SNX9: variants seen among roughly 807,000 people sequenced by gnomAD.
SNX9 encodes sorting nexin-9.
SNX9 carries 44 observed loss-of-function variants against 89.4 expected under a neutral mutation model. The observed-to-expected ratio is 0.49, with a 90% CI of 0.39 to 0.63. SNX9 has a LOEUF of 0.63. Ranked by LOEUF, SNX9 falls within the 30% of genes least tolerant of loss-of-function variation. The probability of loss-of-function intolerance (pLI) is 0.00; values close to 1 mark genes in which losing one functional copy is unlikely to be tolerated. For missense variants in SNX9, 578 were observed against 736.1 expected (o/e 0.79, Z 2.49); for synonymous variants, 236 against 247.8 (o/e 0.95, Z 0.45).
rs1022784154 is a variant in SNX9 at position 157,909,586 on chromosome 6, A to G, written c.706-79A>G. 3.2e-6 allele frequency: 5 copies of G among 1,546,622 alleles called. No individual in the cohort carries two copies. In the African/African-American group the frequency reaches 6.8e-5, roughly 21 times the overall value. On this transcript the variant is annotated intron_variant, in intron 7 of 17. Coordinates refer to ENST00000392185, the MANE Select transcript of SNX9 (RefSeq NM_016224.5). The stretch of plus-strand genomic sequence containing the variant: ...CAAAGGACTTCTCATTCTGAAAAGA[A>G]TTACTTGCTGATTCACATCAATTGT...
At chr6:157,852,647 C>G (rs1489774781) in intron 1 of SNX9, among the ~76,000 whole-genome samples, 1 of 152,110 alleles carries the variant, frequency 6.6e-6, no homozygotes, top group African/African-American at 2.4e-5. Flanking sequence ...GGCGTAATCA[C>G]AGCTCACTGC....
chr6:157,892,980 G>A lies in SNX9; in HGVS notation c.301-3847G>A, dbSNP rs557545865. Among the ~76,000 whole-genome samples the A allele has an allele frequency of 3.3e-5, 5 of 152,220 alleles. No individual in the cohort carries two copies. The South Asian group carries it at 6.2e-4, about 19-fold the overall frequency. On this transcript the variant is annotated intron_variant, in intron 4 of 17. Transcript: ENST00000392185. ...CTCCGAGCCCCTCCATTTCACAGCC[G>A]GTCCTTGATGGAAACCAGGCTGAGG...
chr6:157,887,301 C>T (rs1360996288), intron 4 of SNX9, among the ~76,000 whole-genome samples: 2 of 152,122 alleles, frequency 1.3e-5, no homozygotes, highest in Non-Finnish European at 2.9e-5. Context: ...TGAAGTTTTC[C>T]ATCTAGGCTG....
intron 12 of SNX9, 39 bp downstream of exon 12, chr6:157,928,741 G>T (rs1428374169): frequency 2.0e-6 from 3 of 1,466,542 alleles, no homozygotes; most frequent in South Asian, 2.7e-5. Flanking sequence ...CTCGTAGGGG[G>T]TGATGCAGGC....
At chr6:157,891,332 A>G (rs1302460398) in intron 4 of SNX9, among the ~76,000 whole-genome samples, 1 of 151,896 alleles carries the variant, frequency 6.6e-6, no homozygotes, top group Non-Finnish European at 1.5e-5. Flanking sequence ...CCTGGCCAAA[A>G]ATCATTTTTT....
At chr6:157,875,597 A>AG (rs1461374972) in intron 4 of SNX9, among the ~76,000 whole-genome samples, 11 of 152,204 alleles carry the variant, frequency 7.2e-5, no homozygotes, top group African/African-American at 2.7e-4. Flanking sequence ...TCAGAGCTAG[A>AG]GGCCCTCATC....
At chr6:157,841,014 A>C (rs1426091564) in intron 1 of SNX9, among the ~76,000 whole-genome samples, 2 of 152,130 alleles carry the variant, frequency 1.3e-5, no homozygotes, top group African/African-American at 4.8e-5. Flanking sequence ...TTCTCTTCCG[A>C]TGAGGGTCAC....
intron 11 of SNX9, 58 bp from the exon 12 acceptor site, chr6:157,928,541 T>G (rs1361005548): frequency 2.2e-6 from 3 of 1,368,760 alleles, no homozygotes; most frequent in African/African-American, 2.9e-5. Flanking sequence ...GGCCCGAGTA[T>G]CCCCACAGCA....
intron 1 of SNX9, among the ~76,000 whole-genome samples, chr6:157,827,945 G>A (rs1781412806): frequency 6.6e-6 from 1 of 151,142 alleles, no homozygotes; most frequent in Non-Finnish European, 1.5e-5. Flanking sequence ...AAATTAAGTG[G>A]GTATGGAATG....
chr6:157,940,801 A>T, intron 16 of SNX9, 82 bp from the exon 17 acceptor site: 1 of 1,222,450 alleles, frequency 8.2e-7, no homozygotes, highest in Non-Finnish European at 1.2e-6. Flanking sequence ...GTTGATGATT[A>T]ATTGTAACTG....
intron 1 of SNX9, among the ~76,000 whole-genome samples, chr6:157,847,044 A>G (rs1419348335): frequency 1.3e-5 from 2 of 152,128 alleles, no homozygotes; most frequent in Admixed American, 6.5e-5. Flanking sequence ...CTCCATCTCA[A>G]AAAAAAGATT....
chr6:157,873,059 C>G, intron 2 of SNX9, 43 bp from the exon 3 acceptor site: 1 of 1,482,902 alleles, frequency 6.7e-7, no homozygotes, highest in Non-Finnish European at 9.1e-7. Flanking sequence ...GAAATCTCAA[C>G]TGTAATCTTT....
intron 1 of SNX9, chr6:157,830,715 T>A (rs1381994085): frequency 6.6e-6 from 1 of 152,206 alleles, no homozygotes; most frequent in Non-Finnish European, 1.5e-5. Context: ...GTGTTTAAAT[T>A]TTAATTTCAG....
intron 4 of SNX9, among the ~76,000 whole-genome samples, chr6:157,881,021 A>G (rs149842647): frequency 1.2e-4 from 18 of 152,366 alleles, no homozygotes; most frequent in African/African-American, 4.1e-4. Context: ...CAAGACATTA[A>G]GGACAGGCAC....
chr6:157,869,851 CCA>C (rs140858108), intron 2 of SNX9, among the ~76,000 whole-genome samples: 4,548 of 152,132 alleles, frequency 0.03, 172 homozygotes, highest in African/African-American at 0.085. Context: ...ATGCATACCC[CCA>C]CACACACTCG....
intron 2 of SNX9, among the ~76,000 whole-genome samples, chr6:157,871,232 T>G (rs1043287035): frequency 2.6e-5 from 4 of 151,924 alleles, no homozygotes; most frequent in African/African-American, 9.7e-5. Flanking sequence ...ATACAAAAAT[T>G]TAGCCGGGTG....
At chr6:157,885,664 G>C (rs1031622793) in intron 4 of SNX9, among the ~76,000 whole-genome samples, 3 of 152,204 alleles carry the variant, frequency 2.0e-5, no homozygotes, top group Admixed American at 6.5e-5. Context: ...CAGGTGGTGT[G>C]GAAGGATGTG....
At chr6:157,930,944 T>C (rs1562622532) in intron 12 of SNX9, among the ~76,000 whole-genome samples, 1 of 152,278 alleles carries the variant, frequency 6.6e-6, no homozygotes, top group Non-Finnish European at 1.5e-5. Context: ...TTGCATTTTT[T>C]AAGGATATCA....
intron 8 of SNX9, 42 bp from the exon 9 acceptor site, chr6:157,909,866 G>C (rs774382255): frequency 6.2e-7 from 1 of 1,611,644 alleles, no homozygotes; most frequent in South Asian, 1.1e-5. Context: ...TCATTTTCTA[G>C]AGTTGGCATT....
Sources: gnomAD v4.1 joint callset for allele counts (sites outside exome capture counted in the v4.1 genomes callset) on GRCh38, gnomAD v4.1.1 for gene constraint, MANE v1.5 for transcripts, NCBI Gene and HGNC (gene_info 2026-07-23, HGNC 2026-07-21) for gene names.